CREB3L2: variants seen among roughly 807,000 people sequenced by gnomAD.
CREB3L2 encodes the protein cAMP responsive element binding protein 3 like 2.
In CREB3L2, 23 loss-of-function variants were observed where a neutral mutation model predicts 57.2. The observed-to-expected ratio is 0.40, with a 90% CI of 0.29 to 0.57. The LOEUF (loss-of-function observed/expected upper bound fraction) is 0.57, where lower values mean the gene tolerates loss of function less well. Ranked by LOEUF, CREB3L2 falls within the 20% of genes least tolerant of loss-of-function variation. The pLI is 0.42. For missense variants in CREB3L2, 628 were observed against 634.7 expected, an observed-to-expected ratio of 0.99 and a Z score of 0.11; for synonymous variants, 268 against 265.1, an observed-to-expected ratio of 1.01 and a Z score of -0.11.
At chr7:137,951,702 G>T (rs987891915) in intron 1 of CREB3L2, among the ~76,000 whole-genome samples, 3 of 152,170 alleles carry the variant, frequency 2.0e-5, no homozygotes, top group Admixed American at 2.0e-4. Flanking sequence ...CACAAAACAG[G>T]CCAGACATGG....
chr7:137,894,427 C>T (rs1799581454), intron 8 of CREB3L2, among the ~76,000 whole-genome samples: 1 of 152,218 alleles, frequency 6.6e-6, no homozygotes, highest in Non-Finnish European at 1.5e-5. Context: ...CCAGACCTGA[C>T]ATATTGTGAA....
intron 1 of CREB3L2, among the ~76,000 whole-genome samples, chr7:137,943,186 C>T (rs1488804939): frequency 1.3e-5 from 2 of 152,118 alleles, no homozygotes; most frequent in Non-Finnish European, 2.9e-5. Context: ...TCCCAGGCCC[C>T]CTGCGGCTCT....
chr7:137,969,948 T>A (rs1253100523), intron 1 of CREB3L2, among the ~76,000 whole-genome samples: 2 of 152,222 alleles, frequency 1.3e-5, no homozygotes, highest in Non-Finnish European at 2.9e-5. Flanking sequence ...AAAGAAATTA[T>A]GAAATAGGCA....
chr7:137,881,719 C>G (rs991884423), intron 11 of CREB3L2, among the ~76,000 whole-genome samples: 1 of 152,192 alleles, frequency 6.6e-6, no homozygotes, highest in Non-Finnish European at 1.5e-5. Context: ...CACACGTAAC[C>G]AGGAGCATGC....
chr7:137,943,691 C>G (rs1421253150), intron 1 of CREB3L2, among the ~76,000 whole-genome samples: 1 of 152,150 alleles, frequency 6.6e-6, no homozygotes, highest in Non-Finnish European at 1.5e-5. Context: ...TCATAAGAAA[C>G]TAACAATTTC....
At chr7:137,915,474 G>T (rs1800107372) in intron 3 of CREB3L2, among the ~76,000 whole-genome samples, 1 of 152,142 alleles carries the variant, frequency 6.6e-6, no homozygotes, top group South Asian at 2.1e-4. Flanking sequence ...GCCATGCACT[G>T]TAAGCCATGG....
chr7:137,986,200 C>G (rs1049099230), intron 1 of CREB3L2, among the ~76,000 whole-genome samples: 10 of 152,212 alleles, frequency 6.6e-5, no homozygotes, highest in African/African-American at 2.2e-4. Context: ...ATTCATTCAC[C>G]AAACATTTTA....
intron 1 of CREB3L2, among the ~76,000 whole-genome samples, chr7:137,978,830 G>GA (rs1391170266): frequency 1.3e-5 from 2 of 152,196 alleles, no homozygotes; most frequent in African/African-American, 4.8e-5. Flanking sequence ...TGCGGCTCAG[G>GA]AAACATCTAT....
chr7:137,936,719 C>T (rs1412381357), intron 1 of CREB3L2, among the ~76,000 whole-genome samples: 1 of 152,130 alleles, frequency 6.6e-6, no homozygotes, highest in Non-Finnish European at 1.5e-5. Flanking sequence ...CTGCAGACGG[C>T]AGGGGGATTC....
chr7:137,913,960 G>A (rs1585619349), intron 3 of CREB3L2, among the ~76,000 whole-genome samples: 2 of 152,050 alleles, frequency 1.3e-5, no homozygotes, highest in African/African-American at 2.4e-5. Context: ...CAGCCTGGGA[G>A]TTTTCCCTGC....
chr7:137,967,911 AC>A (rs1262059103), intron 1 of CREB3L2, among the ~76,000 whole-genome samples: 2 of 152,222 alleles, frequency 1.3e-5, no homozygotes, highest in Non-Finnish European at 1.5e-5. Context: ...ACTGAGCACC[AC>A]CGTGTGCCAG....
chr7:137,905,119 C>T (rs951270507), intron 6 of CREB3L2, among the ~76,000 whole-genome samples: 6 of 151,718 alleles, frequency 4.0e-5, no homozygotes, highest in African/African-American at 1.2e-4. Flanking sequence ...TCAGCCATCC[C>T]CCTGGTTTTC....
chr7:137,889,564 G>A (rs774566353), intron 8 of CREB3L2, among the ~76,000 whole-genome samples: 1 of 152,168 alleles, frequency 6.6e-6, no homozygotes, highest in Non-Finnish European at 1.5e-5. Context: ...CGAAATGTTG[G>A]TGGAAAGCGC....
chr7:137,960,952 T>C (rs1801311466), intron 1 of CREB3L2, among the ~76,000 whole-genome samples: 1 of 151,388 alleles, frequency 6.6e-6, no homozygotes, highest in Admixed American at 6.6e-5. Flanking sequence ...TAGCTGAGAT[T>C]AGAGGTGTGT....
At chr7:137,969,174 T>C (rs1201300074) in intron 1 of CREB3L2, among the ~76,000 whole-genome samples, 1 of 152,126 alleles carries the variant, frequency 6.6e-6, no homozygotes, top group Non-Finnish European at 1.5e-5. Flanking sequence ...TGCATGATGA[T>C]ATCAAGATTA....
At chr7:137,969,791 C>CACACATACACAT (rs141056660) in intron 1 of CREB3L2, among the ~76,000 whole-genome samples, 63,705 of 148,486 alleles carry the variant, frequency 0.43, 15,734 homozygotes, top group East Asian at 0.66. Flanking sequence ...CACACACACA[C>CACACATACACAT]ACAACATACA....
Position 137,928,546 on chromosome 7 carries a change from T to C in CREB3L2, c.103-180A>G, listed in dbSNP as rs143444368. ...AATGTTTAGTGGCTGAAGGTAACCA[T>C]AATATTAATATATTACTTCTCCCTC... On this transcript the variant is annotated intron_variant, in intron 1 of 11. Transcript: ENST00000330387. Among the ~76,000 whole-genome samples the C allele has an allele frequency of 8.6e-5, 13 of 150,456 alleles. No individual in the cohort carries two copies. The East Asian group carries it at 2.6e-3, about 30-fold the overall frequency.
At chr7:137,907,864 T>C (rs2117208360) in intron 5 of CREB3L2, among the ~76,000 whole-genome samples, 1 of 152,320 alleles carries the variant, frequency 6.6e-6, no homozygotes, top group African/African-American at 2.4e-5. Context: ...TCACCAAAAA[T>C]TGCTTCTTTA....
chr7:137,980,737 A>T lies in CREB3L2; in HGVS notation c.102+20867T>A, dbSNP rs1801698827. 6.6e-6 allele frequency among the ~76,000 whole-genome samples: 1 copy of T among 152,194 alleles called. No individual in the cohort carries two copies. The highest frequency in any genetic ancestry group is 2.1e-4 in the South Asian group (1 of 4,826). On this transcript the variant is annotated intron_variant, in intron 1 of 11. Transcript: ENST00000330387. The surrounding 1 kb of genome is among the most constrained non-coding windows in gnomAD (Gnocchi z 4.3). ...GTCCTCAGGATTTCAACTGAGAGGG[A>T]GGAGTTGGGAAAGGCAAACTAGGAA...
Sources: allele counts gnomAD v4.1 joint callset (sites outside exome capture counted in the v4.1 genomes callset), GRCh38; gene constraint gnomAD v4.1.1; non-coding constraint Gnocchi (gnomAD v3.1); transcripts MANE v1.5; gene names NCBI Gene and HGNC (gene_info 2026-07-23, HGNC 2026-07-21).